The following ODF2L variants were observed in gnomAD, a reference collection of about 807,000 sequenced individuals.
The protein encoded by ODF2L is outer dense fiber of sperm tails 2 like, also known as protein BCAP.
ODF2L carries 76 observed loss-of-function variants against 86.3 expected under a neutral mutation model. The ratio of observed to expected loss-of-function variants is 0.88; its 90% CI spans 0.73 to 1.07. The LOEUF (loss-of-function observed/expected upper bound fraction) is 1.07. ODF2L is among the 50% of genes least tolerant of loss of function. ODF2L has a pLI of 0.00. For missense variants in ODF2L, 748 were observed against 717.4 expected, an observed-to-expected ratio of 1.04 and a Z score of -0.49; for synonymous variants, 241 against 231.3, an observed-to-expected ratio of 1.04 and a Z score of -0.38.
In ODF2L at chr1:86,372,553, T is replaced by G. The variant is rs780444041; in HGVS notation, c.811-13A>C. 1.8e-5 allele frequency: 24 copies of G among 1,335,642 alleles called. No individual in the cohort carries two copies. Among genetic ancestry groups the G allele is most frequent in the Non-Finnish European group, 2.4e-5 (24 of 984,202 alleles). The allele number at this position is 1,335,642 out of a possible 1,614,324, so 82.7% of individuals were successfully genotyped here. ...ACAACTTGGCTTCCTAAAAAATACA[T>G]AAAAGTATTCATACTATAATTTTAA... On this transcript the variant is annotated splice_polypyrimidine_tract_variant and intron_variant, in intron 8 of 17. Coordinates refer to ENST00000317336, the Ensembl canonical transcript of ODF2L.
At chr1:86,390,732 A>C in intron 1 of ODF2L, among the ~76,000 whole-genome samples, 1 of 152,228 alleles carries the variant, frequency 6.6e-6, no homozygotes, top group Non-Finnish European at 1.5e-5. Context: ...CATAATACTG[A>C]ATGGGGAAAA....
chr1:86,382,500 C>T lies in ODF2L; in HGVS notation c.508-142G>A, dbSNP rs1660657725. On this transcript the variant is annotated intron_variant, in intron 6 of 17. Transcript: ENST00000317336. ...AGCACTACTTTACATAAACTGCCGCCCCTATTACAAATGTATTTCATGCCC... is the reference window on the plus strand; with the variant it reads ...AGCACTACTTTACATAAACTGCCGCTCCTATTACAAATGTATTTCATGCCC... 4 of 1,374,776 alleles carry T rather than the reference C, an allele frequency of 2.9e-6. No individual in the cohort carries two copies. In the Admixed American group the frequency reaches 1.1e-4, roughly 39 times the overall value. 85.2% of individuals were successfully genotyped at this position (1,374,776 alleles called of 1,614,324 possible).
chr1:86,378,227 C>T (rs1660311080), intron 7 of ODF2L, among the ~76,000 whole-genome samples: 1 of 152,170 alleles, frequency 6.6e-6, no homozygotes, highest in Admixed American at 6.5e-5. Flanking sequence ...TAGCAAGAGT[C>T]ACCTTTATTC....
intron 9 of ODF2L, among the ~76,000 whole-genome samples, chr1:86,371,712 C>T (rs1659797009): frequency 6.6e-6 from 1 of 151,976 alleles, no homozygotes; most frequent in South Asian, 2.1e-4. Context: ...ATTTAAGTCA[C>T]TTTAAGGAAC....
chr1:86,367,132 T>A (rs1659495374), intron 11 of ODF2L, among the ~76,000 whole-genome samples: 1 of 152,112 alleles, frequency 6.6e-6, no homozygotes, highest in Admixed American at 6.6e-5. Flanking sequence ...GGTGGCAGAT[T>A]TTCTCTCCTA....
At chr1:86,374,851 T>C (rs974182514) in intron 8 of ODF2L, 2 of 151,906 alleles carry the variant, frequency 1.3e-5, no homozygotes, top group African/African-American at 2.4e-5. Context: ...TGTTAAACTA[T>C]TATTTAGCTC....
At chr1:86,379,698 C>A (rs1002702508) in intron 7 of ODF2L, among the ~76,000 whole-genome samples, 6 of 152,122 alleles carry the variant, frequency 3.9e-5, no homozygotes, top group African/African-American at 9.7e-5. Flanking sequence ...CACGCCCTGA[C>A]ACTAGAGTTA....
At chr1:86,382,476 G>A in intron 6 of ODF2L, 118 bp from the exon 7 acceptor site, 2 of 1,507,560 alleles carry the variant, frequency 1.3e-6, no homozygotes, top group Non-Finnish European at 1.8e-6. Context: ...AAAAAGCAAA[G>A]CACTACTTTA....
chr1:86,372,341 T>TA (rs886684817), intron 9 of ODF2L, 90 bp downstream of exon 9: 29 of 573,684 alleles, frequency 5.1e-5, no homozygotes, highest in African/African-American at 1.2e-4. Context: ...ATATGTAATC[T>TA]AAAAAAAATC....
intron 11 of ODF2L, among the ~76,000 whole-genome samples, chr1:86,361,687 A>G (rs1659046347): frequency 6.6e-6 from 1 of 152,222 alleles, no homozygotes; most frequent in South Asian, 2.1e-4. Flanking sequence ...GAAAAATAAA[A>G]CAAATATAAG....
At position 86,384,744 on chromosome 1, in the gene ODF2L, C is replaced by A; in HGVS notation, c.304G>T (p.Glu102Ter). The change falls in exon 4 of 18, where the codon GAA becomes TAA. Residue 102 changes from glutamate to a stop codon, truncating the protein, a stop_gained. Transcript: ENST00000317336. LOFTEE classifies it high-confidence loss of function. ...TTTACACTTTTGAAGGTGTCTAATTCTTTTATTAATATTTCCTTCTGTTCA... is the reference window on the plus strand; with the variant it reads ...TTTACACTTTTGAAGGTGTCTAATTATTTTATTAATATTTCCTTCTGTTCA... The A allele has an allele frequency of 1.3e-6, 2 of 1,527,746 alleles. No individual in the cohort carries two copies. The highest frequency in any genetic ancestry group is 1.8e-6 in the Non-Finnish European group (2 of 1,140,248). The allele number at this position is 1,527,746 out of a possible 1,614,324, so 94.6% of individuals were successfully genotyped here. A position where few individuals can be genotyped will look rare whatever the true frequency, so the allele number is the denominator to read the frequency against.
intron 7 of ODF2L, among the ~76,000 whole-genome samples, chr1:86,378,509 G>A (rs1021889388): frequency 3.3e-5 from 5 of 152,090 alleles, no homozygotes; most frequent in Admixed American, 6.5e-5. Context: ...CCATTCTCAC[G>A]CTGCTATAAA....
intron 7 of ODF2L, among the ~76,000 whole-genome samples, chr1:86,379,033 A>G (rs1660386002): frequency 6.6e-6 from 1 of 151,854 alleles, no homozygotes; most frequent in South Asian, 2.1e-4. Flanking sequence ...AGGTTGTTTA[A>G]AAGTGTGCAG....
chr1:86,396,160 G>T (rs3737671), exon 1 of ODF2L: 1,613 of 152,644 alleles, frequency 0.011, 60 homozygotes, highest in East Asian at 0.1. Context: ...CTCTGAGTCG[G>T]CTAGGAGGGA....
At chr1:86,381,309 A>G (rs754065905) in intron 7 of ODF2L, among the ~76,000 whole-genome samples, 8 of 152,020 alleles carry the variant, frequency 5.3e-5, no homozygotes, top group Non-Finnish European at 1.2e-4. Context: ...GATGTATTCA[A>G]TCACATGTGT....
chr1:86,365,048 T>C (rs1476389739), intron 11 of ODF2L, among the ~76,000 whole-genome samples: 1 of 152,208 alleles, frequency 6.6e-6, no homozygotes, highest in Admixed American at 6.5e-5. Context: ...ATCAAATTTC[T>C]AATTATAAAA....
At chr1:86,349,064 C>T (rs920963728), downstream of ODF2L, 6 of 393,172 alleles carry the variant, frequency 1.5e-5, no homozygotes, top group Non-Finnish European at 2.4e-5. Context: ...AAAGCACACA[C>T]ATGGTTGATC....
intron 1 of ODF2L, 80 bp from the exon 2 acceptor site, chr1:86,387,166 A>T (rs932692): frequency 0.027 from 13,245 of 490,548 alleles, 303 homozygotes; most frequent in African/African-American, 0.081. Flanking sequence ...AAAGGTTATA[A>T]GGATGTGTAA....
At chr1:86,360,990 A>C (rs1439223552) in intron 11 of ODF2L, 1 of 152,302 alleles carries the variant, frequency 6.6e-6, no homozygotes, top group Non-Finnish European at 1.5e-5. Context: ...CCAACACTAA[A>C]GAAGCATCAA....
Sources: allele counts gnomAD v4.1 joint callset (sites outside exome capture counted in the v4.1 genomes callset), GRCh38; gene constraint gnomAD v4.1.1; transcripts MANE v1.5; gene names NCBI Gene and HGNC (gene_info 2026-07-23, HGNC 2026-07-21).